CACNB2: variants seen among roughly 807,000 people sequenced by gnomAD.
CACNB2 encodes the protein calcium voltage-gated channel auxiliary subunit beta 2, also known as voltage-dependent L-type calcium channel subunit beta-2.
In CACNB2, 42 loss-of-function variants were observed where a neutral mutation model predicts 73.3. The observed-to-expected ratio is 0.57, with a 90% CI of 0.45 to 0.74. The LOEUF (loss-of-function observed/expected upper bound fraction) is 0.74, where lower values mean the gene tolerates loss of function less well. Ranked by LOEUF, CACNB2 falls within the 30% of genes least tolerant of loss-of-function variation. The probability of loss-of-function intolerance (pLI) is 0.00; values close to 1 mark genes in which losing one functional copy is unlikely to be tolerated. For synonymous variants in CACNB2, 348 were observed against 310.3 expected (o/e 1.12, Z -1.28); for missense variants, 940 against 853.0 (o/e 1.10, Z -1.27).
chr10:18,514,387 G>T lies in CACNB2; in HGVS notation c.804+18G>T. 2 of 1,614,046 alleles carry T rather than the reference G, an allele frequency of 1.2e-6. No individual in the cohort carries two copies. Among genetic ancestry groups the T allele is most frequent in the Non-Finnish European group, 1.7e-6 (2 of 1,180,012 alleles). On this transcript the variant is annotated intron_variant, in intron 7 of 13. Coordinates refer to ENST00000324631, the MANE Select transcript of CACNB2 (RefSeq NM_201596.3). ...TTAAGAAGGTAACATTAACTTCCAA[G>T]CTCCCATTGTCCACCTGCTCAACTG...
intron 2 of CACNB2, among the ~76,000 whole-genome samples, chr10:18,355,591 C>G (rs921843911): frequency 4.6e-5 from 7 of 151,494 alleles, no homozygotes; most frequent in African/African-American, 1.7e-4. Context: ...TGCCATAAGC[C>G]CAGCTGATTA....
intron 2 of CACNB2, among the ~76,000 whole-genome samples, chr10:18,249,837 G>A (rs576307841): frequency 7.2e-5 from 11 of 152,144 alleles, no homozygotes; most frequent in Admixed American, 3.9e-4. Flanking sequence ...GCTCCACATC[G>A]ATGTCCTACA....
rs1436280481 is a variant in CACNB2 at position 18,356,938 on chromosome 10, A to ATGTCTTTTTTTTT, written c.214-44985_214-44984insGTCTTTTTTTTTT. 1.4e-4 allele frequency among the ~76,000 whole-genome samples: 13 copies of ATGTCTTTTTTTTT among 94,478 alleles called. 1 individual carries two copies. The highest frequency in any genetic ancestry group is 1.9e-4 in the Non-Finnish European group (9 of 46,392). The allele number at this position is 94,478 out of a possible 152,430, so 62.0% of individuals were successfully genotyped here. On this transcript the variant is annotated intron_variant, in intron 2 of 13. Transcript: ENST00000324631. ...AGCCACTGTGCCTGGCCCAGACTCA[A>ATGTCTTTTTTTTT]TTTCTTTTTTTTTTTTTTTTTTTTG...
intron 10 of CACNB2, among the ~76,000 whole-genome samples, chr10:18,530,345 G>C (rs1459488955): frequency 1.3e-5 from 2 of 152,148 alleles, no homozygotes; most frequent in Non-Finnish European, 2.9e-5. Flanking sequence ...CTTTCTCATA[G>C]TGTTTGTTTT....
chr10:18,152,186 C>T (rs2031616254), intron 2 of CACNB2, among the ~76,000 whole-genome samples: 1 of 152,094 alleles, frequency 6.6e-6, no homozygotes, highest in South Asian at 2.1e-4. Context: ...TTTGCACTGT[C>T]CTTAGACGAA....
intron 2 of CACNB2, among the ~76,000 whole-genome samples, chr10:18,387,889 TGGGACTACA>T (rs1448291063): frequency 6.6e-6 from 1 of 152,096 alleles, no homozygotes; most frequent in Non-Finnish European, 1.5e-5. Flanking sequence ...CCCAAGTAGC[TGGGACTACA>T]GGTGTGTGCT....
intron 2 of CACNB2, among the ~76,000 whole-genome samples, chr10:18,167,039 G>C (rs1335722672): frequency 6.6e-6 from 1 of 152,170 alleles, no homozygotes; most frequent in East Asian, 1.9e-4. Context: ...CCCTGGGCTG[G>C]CCCTCCAGCC....
chr10:18,255,920 T>C (rs980754975), intron 2 of CACNB2, among the ~76,000 whole-genome samples: 2 of 152,204 alleles, frequency 1.3e-5, no homozygotes, highest in Non-Finnish European at 2.9e-5. Flanking sequence ...AGTTCTCTTC[T>C]TGAAGGAAGC....
chr10:18,516,226 GA>G (rs34523438), intron 7 of CACNB2, among the ~76,000 whole-genome samples: 30,733 of 148,818 alleles, frequency 0.21, 3,398 homozygotes, highest in South Asian at 0.28. Flanking sequence ...TCAAAAAAAA[GA>G]AAAAAAAAAT....
chr10:18,358,937 C>G (rs1457917333), intron 2 of CACNB2, among the ~76,000 whole-genome samples: 2 of 152,164 alleles, frequency 1.3e-5, no homozygotes, highest in East Asian at 1.9e-4. Flanking sequence ...ATTAGAAAAA[C>G]TTTACATGGC....
intron 3 of CACNB2, among the ~76,000 whole-genome samples, chr10:18,441,312 G>A (rs1249457039): frequency 2.6e-5 from 4 of 152,182 alleles, no homozygotes; most frequent in Non-Finnish European, 4.4e-5. Flanking sequence ...GGCTGAGGCA[G>A]GAGAATTGCT....
At chr10:18,444,431 A>G (rs1306014506) in intron 3 of CACNB2, among the ~76,000 whole-genome samples, 1 of 152,218 alleles carries the variant, frequency 6.6e-6, no homozygotes, top group Non-Finnish European at 1.5e-5. Context: ...ACAAATATTT[A>G]TACAAAGAGC....
At chr10:18,473,311 A>C (rs1253281402) in intron 3 of CACNB2, among the ~76,000 whole-genome samples, 3 of 152,230 alleles carry the variant, frequency 2.0e-5, no homozygotes, top group Non-Finnish European at 4.4e-5. Flanking sequence ...AATTCAAGTT[A>C]ATATGAATTG....
chr10:18,199,948 T>TGTGTGTGC (rs2034802909), intron 2 of CACNB2, among the ~76,000 whole-genome samples: 1 of 147,200 alleles, frequency 6.8e-6, no homozygotes, highest in Non-Finnish European at 1.5e-5. Context: ...AAACTGTGTG[T>TGTGTGTGC]GTGTGTGTGT....
chr10:18,344,371 A>C (rs969614503), intron 2 of CACNB2, among the ~76,000 whole-genome samples: 1 of 149,090 alleles, frequency 6.7e-6, no homozygotes, highest in African/African-American at 2.5e-5. Flanking sequence ...AATTGACAAA[A>C]CTTTTTTTTT....
intron 11 of CACNB2, among the ~76,000 whole-genome samples, 171 bp downstream of exon 11, chr10:18,534,398 C>T (rs1046116877): frequency 3.3e-5 from 5 of 152,176 alleles, no homozygotes; most frequent in African/African-American, 1.2e-4. Flanking sequence ...CTTAGAACAG[C>T]TGTTCTCAAA....
intron 3 of CACNB2, among the ~76,000 whole-genome samples, chr10:18,406,710 T>C (rs536563112): frequency 5.6e-4 from 85 of 152,120 alleles, no homozygotes; most frequent in Non-Finnish European, 9.3e-4. Flanking sequence ...ATAACAGAAA[T>C]AAAGTGCACA....
intron 2 of CACNB2, among the ~76,000 whole-genome samples, chr10:18,317,598 G>A (rs1185593646): frequency 2.0e-5 from 3 of 152,088 alleles, no homozygotes; most frequent in Admixed American, 6.6e-5. Flanking sequence ...GTATCCTGTG[G>A]GTGTATATGT....
intron 2 of CACNB2, among the ~76,000 whole-genome samples, chr10:18,262,893 G>T (rs1044337005): frequency 1.3e-5 from 2 of 152,172 alleles, no homozygotes. Flanking sequence ...AGAAAGAAGA[G>T]ACAACATAAT....
Sources: gnomAD v4.1 joint callset for allele counts (sites outside exome capture counted in the v4.1 genomes callset) on GRCh38, gnomAD v4.1.1 for gene constraint, MANE v1.5 for transcripts, NCBI Gene and HGNC (gene_info 2026-07-23, HGNC 2026-07-21) for gene names.